The following IARS2 variants were observed in gnomAD, a reference collection of about 807,000 sequenced individuals.
IARS2 encodes the protein isoleucyl-tRNA synthetase 2, mitochondrial.
Under a neutral mutation model 126.3 loss-of-function variants are expected in IARS2, and 56 were observed. The observed-to-expected ratio is 0.44, with a 90% CI of 0.36 to 0.55. The LOEUF (loss-of-function observed/expected upper bound fraction) is 0.55. Ranked by LOEUF, IARS2 falls within the 20% of genes least tolerant of loss-of-function variation. IARS2 has a pLI of 0.00. For missense variants in IARS2, 1,127 were observed against 1,245.9 expected, an observed-to-expected ratio of 0.90 and a Z score of 1.44; for synonymous variants, 407 against 441.1, an observed-to-expected ratio of 0.92 and a Z score of 0.97.
chr1:220,118,116 A>G (rs1272575667), intron 12 of IARS2: 5 of 464,454 alleles, frequency 1.1e-5, no homozygotes, highest in South Asian at 8.2e-5. Context: ...AGTGACCACA[A>G]TTTTCTGTCT....
chr1:220,131,202 A>T (rs1459300017), intron 14 of IARS2, among the ~76,000 whole-genome samples: 1 of 151,938 alleles, frequency 6.6e-6, no homozygotes, highest in African/African-American at 2.4e-5. Flanking sequence ...TTTGAGACAG[A>T]GTCTCGCTGT....
rs552175091 is a variant in IARS2, at chr1:220,117,081, T to C, written c.1640+2607T>C. Reference sequence around the variant, plus strand: ...TTTAAAAGAAAAAGAATTAAAGTGATTATACCTGAGACGAGTTTCCACAAA... The same window carrying C: ...TTTAAAAGAAAAAGAATTAAAGTGACTATACCTGAGACGAGTTTCCACAAA... On this transcript the variant is annotated intron_variant, in intron 12 of 22. Transcript: ENST00000366922. 1.2e-3 allele frequency among the ~76,000 whole-genome samples: 186 copies of C among 151,536 alleles called. 1 individual carries two copies. The highest frequency in any genetic ancestry group is 4.3e-3 in the African/African-American group (178 of 41,362).
intron 12 of IARS2, among the ~76,000 whole-genome samples, chr1:220,120,328 C>G (rs539415126): frequency 9.9e-5 from 15 of 151,416 alleles, no homozygotes; most frequent in South Asian, 2.1e-4. Flanking sequence ...GTGATCCGCC[C>G]GCCTCGGCCT....
chr1:220,130,561 T>C (rs1173814207), intron 14 of IARS2, among the ~76,000 whole-genome samples: 2 of 152,156 alleles, frequency 1.3e-5, no homozygotes, highest in Non-Finnish European at 2.9e-5. Flanking sequence ...GTCTATTTTC[T>C]TTCTTTCTTT....
intron 14 of IARS2, among the ~76,000 whole-genome samples, chr1:220,130,995 T>C (rs1428964555): frequency 6.6e-6 from 1 of 152,168 alleles, no homozygotes; most frequent in Non-Finnish European, 1.5e-5. Context: ...AACTTTGCAG[T>C]ATATTTTGAA....
chr1:220,115,279 A>G (rs1010054835), intron 12 of IARS2, among the ~76,000 whole-genome samples: 2 of 152,076 alleles, frequency 1.3e-5, no homozygotes, highest in Non-Finnish European at 2.9e-5. Flanking sequence ...TATAAAATTC[A>G]TGGCCAGGTG....
chr1:220,132,991 A>G (rs1183423875), intron 14 of IARS2, among the ~76,000 whole-genome samples: 1 of 151,646 alleles, frequency 6.6e-6, no homozygotes, highest in Non-Finnish European at 1.5e-5. Context: ...TCCCCTTGGT[A>G]ACACCCATCA....
chr1:220,143,832 G>A, intron 21 of IARS2: 1 of 520,440 alleles, frequency 1.9e-6, no homozygotes, highest in Non-Finnish European at 3.3e-6. Flanking sequence ...TGATTGGCCA[G>A]ATTGGCTTAT....
chr1:220,114,927 T>G (rs1217944193), intron 12 of IARS2, among the ~76,000 whole-genome samples: 1 of 149,164 alleles, frequency 6.7e-6, no homozygotes, highest in African/African-American at 2.4e-5. Flanking sequence ...GATGATTATA[T>G]TCCCAGTTTT....
At chr1:220,096,247 G>C in intron 2 of IARS2, 21 bp downstream of exon 2, 1 of 1,495,224 alleles carries the variant, frequency 6.7e-7, no homozygotes, top group Non-Finnish European at 9.0e-7. Flanking sequence ...TTTAGGTTAT[G>C]ACACTTGAAA....
intron 12 of IARS2, among the ~76,000 whole-genome samples, chr1:220,124,056 G>A (rs1657104646): frequency 6.6e-6 from 1 of 152,178 alleles, no homozygotes; most frequent in African/African-American, 2.4e-5. Flanking sequence ...GCCTTGCCTG[G>A]GTTCAAGTGG....
chr1:220,115,380 G>C (rs113012455), intron 12 of IARS2, among the ~76,000 whole-genome samples: 1,803 of 150,344 alleles, frequency 0.012, 37 homozygotes, highest in African/African-American at 0.041. Flanking sequence ...GGCCAAGATG[G>C]TGAAACTCCA....
At chr1:220,111,423 T>A in intron 11 of IARS2, among the ~76,000 whole-genome samples, 1 of 152,170 alleles carries the variant, frequency 6.6e-6, no homozygotes. Flanking sequence ...AAGTTACTGT[T>A]CTGCTTACAA....
chr1:220,126,601 CTG>C, intron 13 of IARS2, 147 bp from the exon 14 acceptor site: 1 of 618,512 alleles, frequency 1.6e-6, no homozygotes, highest in African/African-American at 1.9e-5. Context: ...TTGAAGTTAA[CTG>C]TGAAATGCTT....
intron 11 of IARS2, among the ~76,000 whole-genome samples, 189 bp from the exon 12 acceptor site, chr1:220,114,125 T>C (rs1656867642): frequency 6.6e-6 from 1 of 152,228 alleles, no homozygotes; most frequent in South Asian, 2.1e-4. Flanking sequence ...TCTTCGCGGC[T>C]CCATTTTTAC....
In IARS2 at chr1:220,126,842, A is replaced by G. The variant is rs1181771348; in HGVS notation, c.1836A>G (p.Pro612=). ...DSGTSWSYVL[P]GPDQRADLYL... ...GAACTTCATGGTCTTATGTTCTTCC[A>G]GGTAATTCTTAAAAATAGATATATG... Residue 612 remains proline (P), a splice_region_variant and synonymous_variant, in exon 14 of 23, where the codon CCA becomes CCG. Coordinates refer to ENST00000366922, the MANE Select transcript of IARS2 (RefSeq NM_018060.4). The G allele has an allele frequency of 1.9e-6, 3 of 1,600,550 alleles. No homozygotes were observed. The highest frequency in any genetic ancestry group is 1.8e-5 in the Admixed American group (1 of 56,972).
intron 11 of IARS2, 109 bp downstream of exon 11, chr1:220,111,046 T>C (rs1343705421): frequency 1.0e-6 from 1 of 1,001,316 alleles, no homozygotes; most frequent in Non-Finnish European, 1.5e-6. Flanking sequence ...ATTGCTGCTA[T>C]TATGATTTAG....
intron 11 of IARS2, among the ~76,000 whole-genome samples, chr1:220,113,147 G>A (rs1349701513): frequency 6.6e-6 from 1 of 152,074 alleles, no homozygotes; most frequent in East Asian, 1.9e-4. Context: ...TTACAGACGT[G>A]AGCCACCATG....
At chr1:220,143,310 ATAAAT>A (rs1657525994) in intron 21 of IARS2, 176 bp downstream of exon 21, 1 of 405,668 alleles carries the variant, frequency 2.5e-6, no homozygotes, top group South Asian at 1.1e-4. Flanking sequence ...ATATCTTTTA[ATAAAT>A]TAAGCAAAGT....
Sources: allele counts gnomAD v4.1 joint callset (sites outside exome capture counted in the v4.1 genomes callset), GRCh38; gene constraint gnomAD v4.1.1; transcripts MANE v1.5; gene names NCBI Gene and HGNC (gene_info 2026-07-23, HGNC 2026-07-21).